The following PLEKHM2 variants were observed in gnomAD, a reference collection of about 807,000 sequenced individuals.
PLEKHM2 encodes pleckstrin homology and RUN domain containing M2, also known as pleckstrin homology domain-containing family M member 2.
Under a neutral mutation model 116.3 loss-of-function variants are expected in PLEKHM2, and 77 were observed. The observed-to-expected ratio is 0.66, with a 90% CI of 0.55 to 0.80. PLEKHM2 has a LOEUF of 0.80. Among genes scored for constraint, PLEKHM2 ranks in the 30% least tolerant of loss-of-function variants. The pLI, the probability that PLEKHM2 is intolerant of heterozygous loss-of-function variation, is 0.00. For synonymous variants in PLEKHM2, 562 were observed against 571.0 expected (o/e 0.98, Z 0.22); for missense variants, 1,183 against 1,354.9 (o/e 0.87, Z 1.99).
At chr1:15,685,190 C>T (rs1023456674) in intron 1 of PLEKHM2, among the ~76,000 whole-genome samples, 3 of 152,198 alleles carry the variant, frequency 2.0e-5, no homozygotes, top group African/African-American at 2.4e-5. Flanking sequence ...ATGGGGATTG[C>T]ATTTTGGATG....
At chr1:15,720,321 G>GTTA in intron 6 of PLEKHM2, 1 of 985,096 alleles carries the variant, frequency 1.0e-6, no homozygotes, top group Non-Finnish European at 1.2e-6. Context: ...GCAGAAGGAG[G>GTTA]TTAAGCAACC....
At chr1:15,714,525 G>A (rs1170941746) in intron 1 of PLEKHM2, among the ~76,000 whole-genome samples, 1 of 152,130 alleles carries the variant, frequency 6.6e-6, no homozygotes. Flanking sequence ...GCCTCTGGGA[G>A]GAAGGGAAGG....
At chr1:15,726,414 G>A (rs1371898162) in intron 8 of PLEKHM2, among the ~76,000 whole-genome samples, 1 of 152,184 alleles carries the variant, frequency 6.6e-6, no homozygotes, top group African/African-American at 2.4e-5. Flanking sequence ...GCTGGCCTGA[G>A]GCGGGGGATT....
intron 8 of PLEKHM2, among the ~76,000 whole-genome samples, chr1:15,726,445 A>G (rs373532266): frequency 1.3e-4 from 20 of 152,308 alleles, no homozygotes; most frequent in African/African-American, 4.8e-4. Context: ...GACTGGAGCC[A>G]GGAGGCCACC....
chr1:15,700,222 T>TTTTTG (rs916542397), intron 1 of PLEKHM2, among the ~76,000 whole-genome samples: 2 of 151,976 alleles, frequency 1.3e-5, no homozygotes, highest in African/African-American at 4.8e-5. Context: ...CCTGCTCAGT[T>TTTTTG]TTTTGTTTTG....
In PLEKHM2 at chr1:15,728,733, G is replaced by A. The variant is rs750948403; in HGVS notation, c.1986G>A (p.Ser662=). ...CTTACAATGAACTTGACTATGTGTC[G>A]GTGAGTCCAGGCCCCGCAGTTGTGC... ...AVSYNELDYV[S]VGLDQQTVKL... is the part of the protein sequence containing the mutation. The change falls in exon 12 of 20, where the codon TCG becomes TCA. Residue 662 remains serine (S), a splice_region_variant and synonymous_variant. Transcript: ENST00000375799. The surrounding 1 kb of genome is among the most constrained non-coding windows in gnomAD (Gnocchi z 5.9). The A allele has an allele frequency of 6.2e-6, 10 of 1,606,746 alleles. No individual in the cohort carries two copies. Among genetic ancestry groups the A allele is most frequent in the East Asian group, 2.2e-5 (1 of 44,596 alleles).
chr1:15,711,702 A>G (rs1641334697), intron 1 of PLEKHM2, among the ~76,000 whole-genome samples: 1 of 152,228 alleles, frequency 6.6e-6, no homozygotes, highest in Admixed American at 6.5e-5. Context: ...AGACTGGTAG[A>G]TTTGACTGCA....
chr1:15,698,127 C>T (rs930073468), intron 1 of PLEKHM2, among the ~76,000 whole-genome samples: 3 of 152,222 alleles, frequency 2.0e-5, no homozygotes, highest in Non-Finnish European at 2.9e-5. Flanking sequence ...TCTGGGCACA[C>T]GCCCTTCCTG....
At chr1:15,688,387 C>T (rs112191495) in intron 1 of PLEKHM2, among the ~76,000 whole-genome samples, 7 of 152,300 alleles carry the variant, frequency 4.6e-5, no homozygotes, top group African/African-American at 1.7e-4. Context: ...CATGGTGGCT[C>T]ACGCCTGTAA....
chr1:15,731,782 A>G, intron 16 of PLEKHM2, 107 bp from the exon 17 acceptor site: 1 of 926,934 alleles, frequency 1.1e-6, no homozygotes, highest in Non-Finnish European at 1.6e-6. Flanking sequence ...AGCCCCCAAG[A>G]CGGTGGGGCA....
chr1:15,729,198 G>A lies in PLEKHM2; in HGVS notation c.2075+8G>A, dbSNP rs1376459235. ...TGATGTGGCGCTGGCTGAGTGAGTGGCAACCCCGCCCCTCTGGAAGGATTG... is the reference window on the plus strand; with the variant it reads ...TGATGTGGCGCTGGCTGAGTGAGTGACAACCCCGCCCCTCTGGAAGGATTG... On this transcript the variant is annotated splice_region_variant and intron_variant, in intron 13 of 19. Transcript: ENST00000375799. The surrounding 1 kb of genome is among the most constrained non-coding windows in gnomAD (Gnocchi z 4.7). The A allele has an allele frequency of 6.2e-7, 1 of 1,601,448 alleles. No individual in the cohort carries two copies. Among genetic ancestry groups the A allele is most frequent in the South Asian group, 1.1e-5 (1 of 89,334 alleles).
intron 1 of PLEKHM2, among the ~76,000 whole-genome samples, chr1:15,686,637 C>T (rs1640775185): frequency 1.4e-5 from 2 of 147,498 alleles, no homozygotes; most frequent in Admixed American, 6.7e-5. Context: ...TGCGCCACCA[C>T]ACCCGGCTAA....
At chr1:15,732,562 C>T (rs1447292613) in intron 18 of PLEKHM2, 33 bp downstream of exon 18, 17 of 1,604,768 alleles carry the variant, frequency 1.1e-5, no homozygotes, top group Admixed American at 5.1e-5. Context: ...GCTGCAAGGC[C>T]TGCAGAAGGA....
At chr1:15,726,903 A>G in intron 8 of PLEKHM2, 111 bp from the exon 9 acceptor site, 1 of 674,044 alleles carries the variant, frequency 1.5e-6, no homozygotes, top group South Asian at 2.4e-5. Context: ...CTGACGCACT[A>G]GCTGTGCCCT....
rs555876740 is a variant in PLEKHM2, at chr1:15,701,424, A to C, written c.61-14813A>C. 6.6e-5 allele frequency among the ~76,000 whole-genome samples: 10 copies of C among 150,970 alleles called. No homozygotes were observed. In the East Asian group the frequency reaches 1.8e-3, roughly 26 times the overall value. On this transcript the variant is annotated intron_variant, in intron 1 of 19. Coordinates refer to ENST00000375799, the MANE Select transcript of PLEKHM2 (RefSeq NM_015164.4). Reference sequence around the variant, plus strand: ...TTCCAGCCTGGGCAACAAGAGCACAACTCCATCTCAAAAAAAGAAAAAAGA... The same window carrying C: ...TTCCAGCCTGGGCAACAAGAGCACACCTCCATCTCAAAAAAAGAAAAAAGA...
intron 1 of PLEKHM2, among the ~76,000 whole-genome samples, chr1:15,699,367 A>T (rs1410081219): frequency 1.3e-5 from 2 of 151,790 alleles, no homozygotes; most frequent in Non-Finnish European, 2.9e-5. Context: ...GATGGGCCCC[A>T]GTGTGTGATG....
At chr1:15,693,105 A>G (rs1571021023) in intron 1 of PLEKHM2, among the ~76,000 whole-genome samples, 1 of 150,306 alleles carries the variant, frequency 6.7e-6, no homozygotes, top group Non-Finnish European at 1.5e-5. Flanking sequence ...CAGTGGCGCA[A>G]TCTCGGCTCA....
At position 15,721,414 on chromosome 1, in the gene PLEKHM2, CT is replaced by C; in HGVS notation, c.712+30del. On this transcript the variant is annotated intron_variant, in intron 7 of 19. Transcript: ENST00000375799. This position sits in a 1 kb window ranked among gnomAD's most constrained non-coding sequence, Gnocchi z 5.1. ...GTGGGCCAGAGTCCGCTGTTACCCT[CT>C]TTTCCTGTTTTGCAATGTTTCCATG... is the stretch of plus-strand genomic sequence containing the variant. The C allele has an allele frequency of 2.0e-6, 3 of 1,479,536 alleles. No homozygotes were observed. The highest frequency in any genetic ancestry group is 2.4e-5 in the East Asian group (1 of 41,512). The allele number at this position is 1,479,536 out of a possible 1,614,324, so 91.7% of individuals were successfully genotyped here. A position where few individuals can be genotyped will look rare whatever the true frequency, so the allele number is the denominator to read the frequency against.
At chr1:15,683,447 G>A (rs931180108), upstream of PLEKHM2, among the ~76,000 whole-genome samples, 2 of 151,782 alleles carry the variant, frequency 1.3e-5, no homozygotes, top group Non-Finnish European at 2.9e-5. Context: ...AAAGAGGGCC[G>A]GCGGGAGGGG....
Sources: gnomAD v4.1 joint callset for allele counts (sites outside exome capture counted in the v4.1 genomes callset) on GRCh38, gnomAD v4.1.1 for gene constraint, Gnocchi (gnomAD v3.1) non-coding constraint, MANE v1.5 for transcripts, NCBI Gene and HGNC (gene_info 2026-07-23, HGNC 2026-07-21) for gene names.